CDH11: variants seen among roughly 807,000 people sequenced by gnomAD.
The protein encoded by CDH11 is cadherin-11.
In CDH11, 11 loss-of-function variants were observed where a neutral mutation model predicts 67.8. The ratio of observed to expected loss-of-function variants is 0.16; its 90% CI spans 0.10 to 0.27. The LOEUF (loss-of-function observed/expected upper bound fraction) is 0.27, where lower values mean the gene tolerates loss of function less well. Among genes scored for constraint, CDH11 ranks in the 10% least tolerant of loss-of-function variants. The pLI is 1.00. For missense variants in CDH11, 847 were observed against 1,031.2 expected (o/e 0.82, Z 2.45); for synonymous variants, 419 against 400.0 (o/e 1.05, Z -0.57).
chr16:65,116,550 A>T (rs778400640), intron 1 of CDH11, among the ~76,000 whole-genome samples: 109 of 152,324 alleles, frequency 7.2e-4, no homozygotes, highest in Admixed American at 2.3e-3. Flanking sequence ...TGTGGAGTTT[A>T]GGAAGTGAAA....
At chr16:65,115,597 A>G (rs1276727416) in intron 1 of CDH11, among the ~76,000 whole-genome samples, 1 of 151,298 alleles carries the variant, frequency 6.6e-6, no homozygotes, top group Non-Finnish European at 1.5e-5. Context: ...TAGGTCTATC[A>G]TTACCAAGAA....
intron 1 of CDH11, among the ~76,000 whole-genome samples, chr16:65,113,830 C>T (rs999294252): frequency 2.0e-5 from 3 of 152,122 alleles, no homozygotes; most frequent in African/African-American, 7.2e-5. Context: ...CCCCTCTGCC[C>T]ACCCCCCATA....
rs1364226650 is a variant in CDH11, at chr16:64,946,203, C to T, written c.*1400G>A. 11 of 1,050,484 alleles carry T rather than the reference C, an allele frequency of 1.0e-5. No homozygotes were observed. The highest frequency in any genetic ancestry group is 1.7e-5 in the African/African-American group (1 of 60,228). 65.1% of individuals were successfully genotyped at this position (1,050,484 alleles called of 1,614,324 possible). ...AAACATAAAATGCCACATCATTTTA[C>T]AATTAGTTAAAATTACAGGAGGAAA... is the stretch of plus-strand genomic sequence containing the variant. On this transcript the variant is annotated 3_prime_UTR_variant, in exon 13 of 13. Coordinates refer to ENST00000268603, the MANE Select transcript of CDH11 (RefSeq NM_001797.4).
intron 1 of CDH11, among the ~76,000 whole-genome samples, chr16:65,117,623 A>G (rs2142897520): frequency 6.6e-6 from 1 of 152,372 alleles, no homozygotes; most frequent in South Asian, 2.1e-4. Context: ...ATTTACTGCT[A>G]TATTAAAATT....
Position 64,988,331 on chromosome 16 carries a change from C to A in CDH11, c.825G>T (p.Met275Ile). Residue 275 changes from methionine to isoleucine, a missense_variant, in exon 7 of 13, where the codon ATG becomes ATT. This residue lies in a region of CDH11 where 612 missense variants were observed against 678.7 expected (regional missense o/e 0.90). Coordinates refer to ENST00000268603, the MANE Select transcript of CDH11 (RefSeq NM_001797.4). ...PPKFPQSVYQ[M>I]SVSEAAVPGE... ...CAGGGACGGCTGCTTCTGACACAGA[C>A]ATCTGGTATACGCCTAGAAGAAGAA... 2 of 1,612,372 alleles carry A rather than the reference C, an allele frequency of 1.2e-6. No individual in the cohort carries two copies. Among genetic ancestry groups the A allele is most frequent in the Non-Finnish European group, 1.7e-6 (2 of 1,179,112 alleles).
chr16:65,107,888 T>A (rs1457160117), intron 1 of CDH11, among the ~76,000 whole-genome samples: 1 of 152,116 alleles, frequency 6.6e-6, no homozygotes, highest in Non-Finnish European at 1.5e-5. Context: ...CTGAGGTTAA[T>A]TGGCTTTCTC....
chr16:65,078,761 C>A (rs2074559192), intron 1 of CDH11, among the ~76,000 whole-genome samples: 1 of 152,020 alleles, frequency 6.6e-6, no homozygotes, highest in South Asian at 2.1e-4. Flanking sequence ...GAATCGGGAA[C>A]CTAGACAGAC....
intron 2 of CDH11, among the ~76,000 whole-genome samples, chr16:65,029,358 T>C (rs1002598892): frequency 6.6e-6 from 1 of 152,142 alleles, no homozygotes; most frequent in Non-Finnish European, 1.5e-5. Flanking sequence ...TACTACATAG[T>C]CGTTTTGTCG....
At chr16:65,049,400 G>T (rs547346511) in intron 2 of CDH11, among the ~76,000 whole-genome samples, 21 of 152,156 alleles carry the variant, frequency 1.4e-4, no homozygotes, top group African/African-American at 5.1e-4. Flanking sequence ...TCGCTCATCG[G>T]TGGTCCTCAG....
At chr16:65,103,966 C>T (rs988767292) in intron 1 of CDH11, among the ~76,000 whole-genome samples, 1 of 151,942 alleles carries the variant, frequency 6.6e-6, no homozygotes, top group Admixed American at 6.6e-5. Context: ...TTTAATTTGA[C>T]TGCTAGAACA....
chr16:65,093,340 G>A (rs555299217), intron 1 of CDH11, among the ~76,000 whole-genome samples: 1 of 151,360 alleles, frequency 6.6e-6, no homozygotes, highest in African/African-American at 2.4e-5. Context: ...CCGACTCCTA[G>A]GCATGCAAAC....
At chr16:65,018,096 C>A (rs553373826) in intron 2 of CDH11, among the ~76,000 whole-genome samples, 1 of 152,118 alleles carries the variant, frequency 6.6e-6, no homozygotes, top group Non-Finnish European at 1.5e-5. Context: ...CTTTTTAAAG[C>A]CTTAAGCTCA....
chr16:65,108,621 C>A (rs750899199), intron 1 of CDH11, among the ~76,000 whole-genome samples: 2 of 152,050 alleles, frequency 1.3e-5, no homozygotes, highest in Non-Finnish European at 2.9e-5. Context: ...AAGCACTTCA[C>A]CCTGATTTTC....
intron 8 of CDH11, among the ~76,000 whole-genome samples, chr16:64,976,474 C>T (rs577128079): frequency 6.6e-6 from 1 of 152,196 alleles, no homozygotes; most frequent in Non-Finnish European, 1.5e-5. Context: ...GCAAGGCCTC[C>T]ATTATATGTC....
chr16:65,063,892 TAA>T (rs1185252987), intron 1 of CDH11, among the ~76,000 whole-genome samples: 2 of 152,208 alleles, frequency 1.3e-5, no homozygotes, highest in African/African-American at 2.4e-5. Flanking sequence ...TTCCCCTGGC[TAA>T]AAGCATCCCA....
intron 1 of CDH11, among the ~76,000 whole-genome samples, chr16:65,103,034 C>T (rs1291258608): frequency 6.6e-6 from 1 of 152,198 alleles, no homozygotes. Flanking sequence ...TCACTCTCCA[C>T]CCAGTGCCTA....
At chr16:65,036,217 G>T (rs973147434) in intron 2 of CDH11, among the ~76,000 whole-genome samples, 1 of 152,154 alleles carries the variant, frequency 6.6e-6, no homozygotes, top group African/African-American at 2.4e-5. Flanking sequence ...TGATCTTAGA[G>T]GTTTCATTTT....
chr16:65,075,136 C>T (rs2074486988), intron 1 of CDH11, among the ~76,000 whole-genome samples: 2 of 152,182 alleles, frequency 1.3e-5, no homozygotes, highest in South Asian at 4.1e-4. Flanking sequence ...TGTGGGTGTG[C>T]ACTGCCAGCC....
chr16:65,114,619 AC>A (rs1449396462), intron 1 of CDH11, among the ~76,000 whole-genome samples: 1 of 152,120 alleles, frequency 6.6e-6, no homozygotes, highest in Non-Finnish European at 1.5e-5. Context: ...CCCGGCAAAC[AC>A]AGACAGATAT....
Sources: allele counts gnomAD v4.1 joint callset (sites outside exome capture counted in the v4.1 genomes callset), GRCh38; gene constraint gnomAD v4.1.1; regional missense constraint gnomAD v4.1.1; transcripts MANE v1.5; gene names NCBI Gene and HGNC (gene_info 2026-07-23, HGNC 2026-07-21).